Variants in ANKS1B observed in about 807,000 individuals in gnomAD.
The protein encoded by ANKS1B is ankyrin repeat and sterile alpha motif domain containing 1B, also known as ankyrin repeat and sterile alpha motif domain-containing protein 1B.
A neutral mutation model predicts 148.3 loss-of-function variants in ANKS1B; 36 were observed. The ratio of observed to expected loss-of-function variants is 0.24; its 90% CI spans 0.19 to 0.32. The LOEUF is 0.32. Among genes scored for constraint, ANKS1B ranks in the 10% least tolerant of loss-of-function variants. The pLI, the probability that ANKS1B is intolerant of heterozygous loss-of-function variation, is 1.00. For missense variants in ANKS1B, 1,157 were observed against 1,542.6 expected (o/e 0.75, Z 4.19); for synonymous variants, 542 against 560.8 (o/e 0.97, Z 0.47).
chr12:99,161,569 T>G (rs2076663600), intron 14 of ANKS1B, among the ~76,000 whole-genome samples: 1 of 152,060 alleles, frequency 6.6e-6, no homozygotes, highest in African/African-American at 2.4e-5. Context: ...AGTGGAGATA[T>G]TCTGGTGACA....
intron 1 of ANKS1B, among the ~76,000 whole-genome samples, chr12:99,852,138 C>T (rs924883792): frequency 6.6e-6 from 1 of 152,130 alleles, no homozygotes; most frequent in Admixed American, 6.5e-5. Context: ...ACAATAGAAA[C>T]ATGTATAGAG....
At chr12:99,589,385 C>T (rs1364965507) in intron 9 of ANKS1B, among the ~76,000 whole-genome samples, 1 of 152,120 alleles carries the variant, frequency 6.6e-6, no homozygotes, top group Non-Finnish European at 1.5e-5. Flanking sequence ...ATCTGAAGTT[C>T]CCCTTCCCCA....
intron 12 of ANKS1B, among the ~76,000 whole-genome samples, chr12:99,311,056 A>G (rs941375639): frequency 6.6e-6 from 1 of 152,186 alleles, no homozygotes; most frequent in Non-Finnish European, 1.5e-5. Context: ...TAAATGTTGG[A>G]TAAATGTTAC....
rs765515845 is a variant in ANKS1B, at chr12:99,610,020, T to G, written c.1272+45047A>C. Among the ~76,000 whole-genome samples, 28 of 152,138 alleles carry G rather than the reference T, an allele frequency of 1.8e-4. 1 individual carries two copies. Among genetic ancestry groups the G allele is most frequent in the Admixed American group, 2.6e-4 (4 of 15,262 alleles). Reference sequence around the variant, plus strand: ...AGTCAGTTGCCTCAGCCGCTCCACATTGAACACCAGAGTTACAAGCGCAGA... The same window carrying G: ...AGTCAGTTGCCTCAGCCGCTCCACAGTGAACACCAGAGTTACAAGCGCAGA... On this transcript the variant is annotated intron_variant, in intron 9 of 26. Coordinates refer to ENST00000683438, the MANE Select transcript of ANKS1B (RefSeq NM_001352186.2).
intron 9 of ANKS1B, among the ~76,000 whole-genome samples, chr12:99,628,185 A>G (rs2098127672): frequency 6.6e-6 from 1 of 152,114 alleles, no homozygotes; most frequent in Admixed American, 6.6e-5. Flanking sequence ...AACCATTTGC[A>G]TGTCTAAACA....
At chr12:99,315,448 AAACAT>A (rs920938718) in intron 12 of ANKS1B, among the ~76,000 whole-genome samples, 1 of 152,190 alleles carries the variant, frequency 6.6e-6, no homozygotes, top group African/African-American at 2.4e-5. Flanking sequence ...TGCAGCCAAC[AAACAT>A]ATGAAGAAAA....
At chr12:99,569,269 C>T (rs147809133) in intron 9 of ANKS1B, among the ~76,000 whole-genome samples, 1 of 152,290 alleles carries the variant, frequency 6.6e-6, no homozygotes, top group African/African-American at 2.4e-5. Flanking sequence ...GGTGCTCTAA[C>T]ACAGCAGTGT....
At position 99,519,292 on chromosome 12, in the gene ANKS1B, G is replaced by T. The variant is rs1224293568; in HGVS notation, c.1273-14651C>A. ...TTTCTTTGTAGATTTTCTGTTTGAA[G>T]ATCTGTCCAATCCTGAAAGTGGGAT... On this transcript the variant is annotated intron_variant, in intron 9 of 26. Coordinates refer to ENST00000683438, the MANE Select transcript of ANKS1B (RefSeq NM_001352186.2). Among the ~76,000 whole-genome samples the T allele has an allele frequency of 3.6e-4, 54 of 152,042 alleles. 1 individual carries two copies. Among genetic ancestry groups the T allele is most frequent in the Admixed American group, 3.5e-3 (54 of 15,256 alleles).
chr12:98,950,669 A>G (rs370424031), intron 17 of ANKS1B, among the ~76,000 whole-genome samples: 11 of 152,182 alleles, frequency 7.2e-5, no homozygotes, highest in African/African-American at 2.6e-4. Context: ...AATGAAAATA[A>G]CCCCCAGGTA....
At chr12:99,918,749 A>G (rs1193989146) in intron 1 of ANKS1B, among the ~76,000 whole-genome samples, 1 of 152,232 alleles carries the variant, frequency 6.6e-6, no homozygotes, top group African/African-American at 2.4e-5. Flanking sequence ...TTAAATCTGA[A>G]CAAGTATTAT....
At chr12:99,677,128 T>C (rs2098579289) in intron 8 of ANKS1B, among the ~76,000 whole-genome samples, 1 of 152,252 alleles carries the variant, frequency 6.6e-6, no homozygotes, top group Non-Finnish European at 1.5e-5. Flanking sequence ...AAAGGGCTTA[T>C]AAAAGTGAAT....
rs1331153097 is a variant in ANKS1B at position 99,165,933 on chromosome 12, A to T, written c.2420-11538T>A. 3.3e-5 allele frequency among the ~76,000 whole-genome samples: 5 copies of T among 152,014 alleles called. No individual in the cohort carries two copies. In the South Asian group the frequency reaches 8.3e-4, roughly 25 times the overall value. On this transcript the variant is annotated intron_variant, in intron 14 of 26. Transcript: ENST00000683438. Reference sequence around the variant, plus strand: ...AATATATACAGGATGATACAATATGACTAAGTGAAGTTTACCCCAATAATG... The same window carrying T: ...AATATATACAGGATGATACAATATGTCTAAGTGAAGTTTACCCCAATAATG...
At chr12:99,427,478 C>G (rs1478639707) in intron 11 of ANKS1B, among the ~76,000 whole-genome samples, 1 of 152,198 alleles carries the variant, frequency 6.6e-6, no homozygotes, top group Non-Finnish European at 1.5e-5. Flanking sequence ...CATGTTCCAG[C>G]TCGAATACCA....
chr12:99,925,091 G>A (rs2094452249), intron 1 of ANKS1B, among the ~76,000 whole-genome samples: 1 of 152,086 alleles, frequency 6.6e-6, no homozygotes, highest in Non-Finnish European at 1.5e-5. Flanking sequence ...AGGGTGGCTG[G>A]GGGCTGGCTT....
At chr12:99,928,271 A>ATT (rs763106581) in intron 1 of ANKS1B, among the ~76,000 whole-genome samples, 1,289 of 99,034 alleles carry the variant, frequency 0.013, 21 homozygotes, top group African/African-American at 0.041. Context: ...ATTTTATTTT[A>ATT]TTTTTTTTTT....
intron 15 of ANKS1B, among the ~76,000 whole-genome samples, chr12:99,127,682 A>C (rs2064822136): frequency 6.6e-6 from 1 of 152,156 alleles, no homozygotes; most frequent in South Asian, 2.1e-4. Context: ...AGTTTTGGGA[A>C]AACTCAGCCT....
intron 9 of ANKS1B, among the ~76,000 whole-genome samples, chr12:98,736,101 G>A (rs2097771608): frequency 6.6e-6 from 1 of 152,202 alleles, no homozygotes; most frequent in Non-Finnish European, 1.5e-5. Context: ...ACCGGAGGCT[G>A]CCTCTTAGGC....
chr12:99,867,796 G>A (rs2090956239), intron 1 of ANKS1B, among the ~76,000 whole-genome samples: 1 of 152,008 alleles, frequency 6.6e-6, no homozygotes, highest in Admixed American at 6.6e-5. Flanking sequence ...CCAAATGTGT[G>A]TTGTTGTTGT....
intron 22 of ANKS1B, among the ~76,000 whole-genome samples, chr12:98,791,875 GTCTCT>G (rs2098867324): frequency 6.6e-6 from 1 of 152,218 alleles, no homozygotes; most frequent in Non-Finnish European, 1.5e-5. Flanking sequence ...TTTAGTTTGA[GTCTCT>G]TCTAAGAGGA....
Sources: gnomAD v4.1 joint callset for allele counts (sites outside exome capture counted in the v4.1 genomes callset) on GRCh38, gnomAD v4.1.1 for gene constraint, MANE v1.5 for transcripts, NCBI Gene and HGNC (gene_info 2026-07-23, HGNC 2026-07-21) for gene names.